The following USP24 variants were observed in gnomAD, a reference collection of about 807,000 sequenced individuals.
USP24 encodes the protein ubiquitin specific peptidase 24, also known as ubiquitin carboxyl-terminal hydrolase 24.
A neutral mutation model predicts 361.6 loss-of-function variants in USP24; 97 were observed. The observed-to-expected ratio is 0.27, with a 90% CI of 0.23 to 0.32. The LOEUF is 0.32. Ranked by LOEUF, USP24 falls within the 10% of genes least tolerant of loss-of-function variation. The pLI is 1.00. For synonymous variants in USP24, 1,098 were observed against 1,124.6 expected (o/e 0.98, Z 0.47); for missense variants, 2,353 against 3,165.6 (o/e 0.74, Z 6.16).
At chr1:55,110,472 T>C (rs74929709) in intron 38 of USP24, among the ~76,000 whole-genome samples, 3,740 of 152,288 alleles carry the variant, frequency 0.025, 57 homozygotes, top group Non-Finnish European at 0.037. Flanking sequence ...ACACTAAATC[T>C]ATCACATCTT....
At chr1:55,166,040 GT>G in intron 6 of USP24, 90 bp from the exon 7 acceptor site, 1 of 1,157,556 alleles carries the variant, frequency 8.6e-7, no homozygotes, top group Non-Finnish European at 1.2e-6. Flanking sequence ...AGGTGTATAT[GT>G]TTATGGGGCA....
At chr1:55,167,451 G>A (rs1001945881) in intron 5 of USP24, among the ~76,000 whole-genome samples, 1 of 152,160 alleles carries the variant, frequency 6.6e-6, no homozygotes, top group African/African-American at 2.4e-5. Flanking sequence ...AGGTTGTACA[G>A]AGAGGCAAAG....
At chr1:55,105,081 T>A (rs370789597) in intron 41 of USP24, among the ~76,000 whole-genome samples, 2 of 152,228 alleles carry the variant, frequency 1.3e-5, no homozygotes, top group Non-Finnish European at 2.9e-5. Flanking sequence ...GCACTGTATA[T>A]GATTTTTACA....
intron 1 of USP24, among the ~76,000 whole-genome samples, chr1:55,207,150 C>T (rs1375657699): frequency 6.6e-6 from 1 of 151,748 alleles, no homozygotes; most frequent in Non-Finnish European, 1.5e-5. Context: ...AGAGTGAGAC[C>T]CTGTCTCAAA....
chr1:55,138,105 A>G (rs201879121), intron 26 of USP24, among the ~76,000 whole-genome samples: 2 of 151,992 alleles, frequency 1.3e-5, no homozygotes, highest in Non-Finnish European at 2.9e-5. Context: ...CCTCCTCCCC[A>G]TCAAGCGTGG....
chr1:55,085,963 A>C lies in USP24; in HGVS notation c.6744T>G (p.Ser2248Arg). The C allele has an allele frequency of 6.2e-7, 1 of 1,613,936 alleles. No individual in the cohort carries two copies. The highest frequency in any genetic ancestry group is 8.5e-7 in the Non-Finnish European group (1 of 1,179,832). Residue 2248 changes from serine to arginine, a missense_variant, in exon 56 of 68, where the codon AGT (serine) becomes AGG (arginine). By Grantham distance (110) the Ser-to-Arg change is moderately radical. Coordinates refer to ENST00000294383, the MANE Select transcript of USP24 (RefSeq NM_015306.3). The stretch of plus-strand genomic sequence containing the variant: ...CGACCTTATCCTGATAAAACAAGGC[A>C]CTGTCTAGGGTTTTCTCCAGAATGG... ...VATILEKTLD[S>R]ALFYQDKLKS... is the part of the protein sequence containing the mutation.
intron 22 of USP24, 25 bp from the exon 23 acceptor site, chr1:55,142,820 A>G (rs1361387757): frequency 2.0e-6 from 3 of 1,487,660 alleles, no homozygotes; most frequent in African/African-American, 2.8e-5. Flanking sequence ...GGAAATTACA[A>G]TTAGTCCTTG....
intron 53 of USP24, 66 bp from the exon 54 acceptor site, chr1:55,092,192 G>C: frequency 1.4e-6 from 1 of 725,708 alleles, no homozygotes; most frequent in Non-Finnish European, 2.2e-6. Context: ...ACACAGTTAC[G>C]AACTAAATTA....
chr1:55,191,400 A>T (rs1233746191), intron 1 of USP24, among the ~76,000 whole-genome samples: 1 of 152,166 alleles, frequency 6.6e-6, no homozygotes, highest in Non-Finnish European at 1.5e-5. Flanking sequence ...ATATGCTAGG[A>T]ATTCAAATAG....
At chr1:55,126,875 C>T (rs1004335045) in intron 32 of USP24, among the ~76,000 whole-genome samples, 2 of 152,176 alleles carry the variant, frequency 1.3e-5, no homozygotes, top group African/African-American at 2.4e-5. Flanking sequence ...GCCTACCTCA[C>T]CCAGAGGAAA....
rs552498101 is a variant in USP24, at chr1:55,105,613, G to T, written c.4880+533C>A. Among the ~76,000 whole-genome samples, 8 of 152,240 alleles carry T rather than the reference G, an allele frequency of 5.3e-5. No homozygotes were observed. The South Asian group carries it at 1.0e-3, about 20-fold the overall frequency. On this transcript the variant is annotated intron_variant, in intron 41 of 67. Coordinates refer to ENST00000294383, the MANE Select transcript of USP24 (RefSeq NM_015306.3). ...CTGCCTCTTCTTCCTACCTCCAAGA[G>T]TATAAATACCACTCAAGGAGGGTCA... is the stretch of plus-strand genomic sequence containing the variant.
intron 1 of USP24, among the ~76,000 whole-genome samples, chr1:55,185,815 C>G (rs927115966): frequency 3.9e-5 from 6 of 152,100 alleles, no homozygotes; most frequent in Admixed American, 3.9e-4. Flanking sequence ...GTGAACCTCC[C>G]AGCTCAGGCT....
In USP24 at chr1:55,073,916, G is replaced by A. The variant is rs575163919; in HGVS notation, c.7448-10C>T. The A allele has an allele frequency of 1.3e-5, 21 of 1,561,868 alleles. No individual in the cohort carries two copies. The Admixed American group carries it at 3.1e-4, about 23-fold the overall frequency. On this transcript the variant is annotated splice_polypyrimidine_tract_variant and intron_variant, in intron 63 of 67. Transcript: ENST00000294383. Reference sequence around the variant, plus strand: ...CTGTGGTGCATCAAAGCTGAGGGAAGAGAAAAGGACATTTTAACAATAAAA... The same window carrying A: ...CTGTGGTGCATCAAAGCTGAGGGAAAAGAAAAGGACATTTTAACAATAAAA...
At chr1:55,077,366 C>T (rs1645050315) in intron 61 of USP24, 66 bp from the exon 62 acceptor site, 2 of 1,421,172 alleles carry the variant, frequency 1.4e-6, no homozygotes, top group Admixed American at 4.1e-5. Context: ...ATTAACAATG[C>T]TGGATCCACG....
intron 26 of USP24, 145 bp from the exon 27 acceptor site, chr1:55,138,049 C>T (rs942037397): frequency 2.9e-5 from 21 of 726,704 alleles, no homozygotes; most frequent in African/African-American, 1.8e-4. Context: ...CCCCTGCCCT[C>T]GTGAGGCTTC....
chr1:55,069,337 T>C (rs911546074), intron 67 of USP24, among the ~76,000 whole-genome samples: 3 of 152,212 alleles, frequency 2.0e-5, no homozygotes, highest in Non-Finnish European at 4.4e-5. Context: ...CAGCGACTTG[T>C]CTAAAGTCAC....
chr1:55,129,074 A>C (rs928341844), intron 32 of USP24, among the ~76,000 whole-genome samples: 4 of 152,174 alleles, frequency 2.6e-5, no homozygotes, highest in African/African-American at 7.2e-5. Flanking sequence ...TTGTTAAACC[A>C]TCAGCTGCCT....
intron 39 of USP24, 138 bp downstream of exon 39, chr1:55,110,047 A>G (rs1432454058): frequency 3.0e-6 from 2 of 665,040 alleles, no homozygotes; most frequent in Non-Finnish European, 4.7e-6. Flanking sequence ...GCTATTTTCA[A>G]GAAAACAAGG....
At chr1:55,128,888 A>T (rs116426909) in intron 32 of USP24, among the ~76,000 whole-genome samples, 1,823 of 151,248 alleles carry the variant, frequency 0.012, 32 homozygotes, top group African/African-American at 0.042. Flanking sequence ...CTATTTTTTT[A>T]TTTTTATTTT....
Sources: gnomAD v4.1 joint callset for allele counts (sites outside exome capture counted in the v4.1 genomes callset) on GRCh38, gnomAD v4.1.1 for gene constraint, MANE v1.5 for transcripts, NCBI Gene and HGNC (gene_info 2026-07-23, HGNC 2026-07-21) for gene names.